Variants in STXBP5L observed in about 807,000 individuals in gnomAD.
STXBP5L encodes syntaxin-binding protein 5-like.
In STXBP5L, 65 loss-of-function variants were observed where a neutral mutation model predicts 144.5. The ratio of observed to expected loss-of-function variants is 0.45; its 90% confidence interval spans 0.37 to 0.55. The LOEUF (loss-of-function observed/expected upper bound fraction) is 0.55, where lower values mean the gene tolerates loss of function less well. STXBP5L is among the 20% of genes least tolerant of loss of function. The pLI is 0.00. For synonymous variants in STXBP5L, 505 were observed against 469.6 expected, an observed-to-expected ratio of 1.08 and a Z score of -0.97; for missense variants, 1,298 against 1,405.5, an observed-to-expected ratio of 0.92 and a Z score of 1.22.
Position 121,259,038 on chromosome 3 carries a change from T to C in STXBP5L, c.1833-5T>C. 6.3e-7 allele frequency: 1 copy of C among 1,590,180 alleles called. No individual in the cohort carries two copies. The highest frequency in any genetic ancestry group is 2.3e-5 in the East Asian group (1 of 43,996). ...TATATAATAGGATTGTTTTTGTTCT[T>C]AAAGTGTGAAGACACGGCCAGTGCG... On this transcript the variant is annotated splice_polypyrimidine_tract_variant and splice_region_variant and intron_variant, in intron 17 of 26. Transcript: ENST00000471454.
At chr3:121,072,371 A>C (rs964296353) in intron 5 of STXBP5L, among the ~76,000 whole-genome samples, 1 of 152,240 alleles carries the variant, frequency 6.6e-6, no homozygotes, top group African/African-American at 2.4e-5. Context: ...TTTTGGGCAC[A>C]AGCCAAGCAT....
intron 5 of STXBP5L, among the ~76,000 whole-genome samples, chr3:121,070,128 G>T (rs1169168781): frequency 6.6e-6 from 1 of 152,212 alleles, no homozygotes; most frequent in Non-Finnish European, 1.5e-5. Context: ...CACCGGCTCA[G>T]CCGGACATAT....
chr3:121,332,782 T>C (rs944028155), intron 20 of STXBP5L, among the ~76,000 whole-genome samples: 1 of 151,672 alleles, frequency 6.6e-6, no homozygotes, highest in Non-Finnish European at 1.5e-5. Flanking sequence ...TCCTGGGAGA[T>C]CCATTGCAAA....
chr3:121,200,743 C>A (rs927297255), intron 9 of STXBP5L, among the ~76,000 whole-genome samples: 3 of 151,936 alleles, frequency 2.0e-5, no homozygotes, highest in African/African-American at 7.2e-5. Flanking sequence ...TGTTATTTAC[C>A]CAGTAGTCAT....
chr3:121,085,757 T>C (rs893610932), intron 5 of STXBP5L, among the ~76,000 whole-genome samples: 5 of 152,174 alleles, frequency 3.3e-5, no homozygotes, highest in Non-Finnish European at 7.3e-5. Context: ...CCTAAAGCAA[T>C]TTATAGATTC....
chr3:121,012,052 A>G (rs1332151912), intron 3 of STXBP5L, among the ~76,000 whole-genome samples: 3 of 151,964 alleles, frequency 2.0e-5, no homozygotes, highest in Non-Finnish European at 2.9e-5. Context: ...GAAATTTTAT[A>G]TAAATGAAAT....
At chr3:121,152,375 ATGT>A in intron 7 of STXBP5L, 99 bp from the exon 8 acceptor site, 1 of 823,818 alleles carries the variant, frequency 1.2e-6, no homozygotes, top group Non-Finnish European at 1.9e-6. Context: ...CTAAATAAGG[ATGT>A]TATGTGGTAT....
chr3:121,003,584 T>C (rs970805878), intron 3 of STXBP5L, among the ~76,000 whole-genome samples: 2 of 152,214 alleles, frequency 1.3e-5, no homozygotes, highest in African/African-American at 2.4e-5. Context: ...ATTTTGGCTT[T>C]TGTTGCCATT....
chr3:121,376,555 T>G (rs1455547314), intron 20 of STXBP5L, among the ~76,000 whole-genome samples: 1 of 152,240 alleles, frequency 6.6e-6, no homozygotes, highest in African/African-American at 2.4e-5. Context: ...ATGTGTGGTA[T>G]TATTTCTGAG....
At position 120,909,612 on chromosome 3, in the gene STXBP5L, G is replaced by A; in HGVS notation, c.34G>A (p.Gly12Ser). The A allele has an allele frequency of 6.2e-7, 1 of 1,613,376 alleles. No individual in the cohort carries two copies. The highest frequency in any genetic ancestry group is 2.2e-5 in the East Asian group (1 of 44,822). The part of the protein sequence containing the change: ...KKFNFRKVLD[G>S]LTASSPGSGS... ...GTTTAATTTCCGAAAAGTTTTGGAT[G>A]GCTTAACTGCCTCCTCCCCTGGCAG... Residue 12 changes from glycine to serine, a missense_variant, in exon 2 of 27, where the codon GGC becomes AGC. By Grantham distance (56) the Gly-to-Ser change is moderately conservative. Coordinates refer to ENST00000471454, the MANE Select transcript of STXBP5L (RefSeq NM_001308330.2).
At chr3:121,372,308 C>A (rs939339096) in intron 20 of STXBP5L, among the ~76,000 whole-genome samples, 3 of 152,146 alleles carry the variant, frequency 2.0e-5, no homozygotes, top group African/African-American at 4.8e-5. Flanking sequence ...GAGTTCAGGC[C>A]TCACAGTTTC....
chr3:121,174,290 A>G (rs998974500), intron 9 of STXBP5L, among the ~76,000 whole-genome samples: 1 of 152,144 alleles, frequency 6.6e-6, no homozygotes, highest in African/African-American at 2.4e-5. Context: ...TATATATTTT[A>G]TGGTAGTAAA....
chr3:121,138,703 C>T (rs1006920911), intron 7 of STXBP5L, among the ~76,000 whole-genome samples: 3 of 151,968 alleles, frequency 2.0e-5, no homozygotes, highest in African/African-American at 7.2e-5. Context: ...ACTGTATATG[C>T]ATATGTGGAA....
intron 5 of STXBP5L, among the ~76,000 whole-genome samples, chr3:121,095,198 C>T (rs1425287268): frequency 6.6e-6 from 1 of 152,090 alleles, no homozygotes; most frequent in Non-Finnish European, 1.5e-5. Flanking sequence ...AACCCGACCT[C>T]TCTCTCTGGC....
intron 20 of STXBP5L, among the ~76,000 whole-genome samples, chr3:121,342,595 T>A (rs2044759852): frequency 6.7e-6 from 1 of 149,682 alleles, no homozygotes; most frequent in Non-Finnish European, 1.5e-5. Context: ...GAATATGCAG[T>A]GTTTGGTTTT....
At chr3:121,348,026 G>T (rs1485427135) in intron 20 of STXBP5L, among the ~76,000 whole-genome samples, 2 of 152,138 alleles carry the variant, frequency 1.3e-5, no homozygotes, top group Non-Finnish European at 2.9e-5. Flanking sequence ...GGGCATCCCT[G>T]TCTTGTACCA....
chr3:121,319,363 A>G (rs1221258826), intron 20 of STXBP5L, among the ~76,000 whole-genome samples: 1 of 152,166 alleles, frequency 6.6e-6, no homozygotes, highest in Admixed American at 6.5e-5. Context: ...TTATAAAGCA[A>G]CGAATTTGGA....
intron 20 of STXBP5L, among the ~76,000 whole-genome samples, chr3:121,329,149 GC>G (rs903045857): frequency 6.6e-6 from 1 of 152,052 alleles, no homozygotes; most frequent in Admixed American, 6.5e-5. Flanking sequence ...GAAAATCTGA[GC>G]TGCACTTCAG....
intron 5 of STXBP5L, among the ~76,000 whole-genome samples, chr3:121,076,422 T>G (rs1005810734): frequency 6.6e-6 from 1 of 152,168 alleles, no homozygotes; most frequent in Non-Finnish European, 1.5e-5. Context: ...TATGACTCCT[T>G]TTCTTTTTCT....
Sources: gnomAD v4.1 joint callset for allele counts (sites outside exome capture counted in the v4.1 genomes callset) on GRCh38, gnomAD v4.1.1 for gene constraint, MANE v1.5 for transcripts, NCBI Gene and HGNC (gene_info 2026-07-23, HGNC 2026-07-21) for gene names.